The following FAT3 variants were observed in gnomAD, a reference collection of about 807,000 sequenced individuals.
FAT3 encodes the protein protocadherin Fat 3.
Under a neutral mutation model 310.2 loss-of-function variants are expected in FAT3, and 95 were observed. That is an observed-to-expected ratio of 0.31 (90% CI 0.26 to 0.36). The LOEUF (loss-of-function observed/expected upper bound fraction) is 0.36, where lower values mean the gene tolerates loss of function less well. Among genes scored for constraint, FAT3 ranks in the 10% least tolerant of loss-of-function variants. FAT3 has a pLI of 1.00. For synonymous variants in FAT3, 2,314 were observed against 2,192.9 expected, an observed-to-expected ratio of 1.06 and a Z score of -1.54; for missense variants, 5,408 against 5,715.6, an observed-to-expected ratio of 0.95 and a Z score of 1.74.
chr11:92,319,640 A>G (rs1313326473), intron 1 of FAT3, among the ~76,000 whole-genome samples: 1 of 152,200 alleles, frequency 6.6e-6, no homozygotes. Context: ...CTTAAGGAGA[A>G]TATAATATTG....
intron 2 of FAT3, among the ~76,000 whole-genome samples, chr11:92,387,828 G>T (rs1257460353): frequency 3.3e-5 from 5 of 152,158 alleles, no homozygotes; most frequent in Non-Finnish European, 5.9e-5. Flanking sequence ...GAGAAGCTGG[G>T]AAGCATGGAT....
chr11:92,709,086 G>A (rs979247665), intron 4 of FAT3, among the ~76,000 whole-genome samples: 2 of 152,166 alleles, frequency 1.3e-5, no homozygotes, highest in African/African-American at 2.4e-5. Flanking sequence ...TTAGTCTTAC[G>A]ACTAGGATGG....
chr11:92,600,325 C>T (rs899296770), intron 3 of FAT3, among the ~76,000 whole-genome samples: 1 of 152,160 alleles, frequency 6.6e-6, no homozygotes, highest in African/African-American at 2.4e-5. Context: ...TCTAATTACT[C>T]CTGATTTACA....
At chr11:92,398,680 A>G (rs1464626270) in intron 2 of FAT3, among the ~76,000 whole-genome samples, 1 of 152,016 alleles carries the variant, frequency 6.6e-6, no homozygotes, top group Non-Finnish European at 1.5e-5. Flanking sequence ...TAGGGCTCCA[A>G]CCTATTGTGT....
chr11:92,513,317 A>G (rs1156651905), intron 2 of FAT3, among the ~76,000 whole-genome samples: 4 of 152,162 alleles, frequency 2.6e-5, no homozygotes, highest in African/African-American at 9.6e-5. Flanking sequence ...GTTACCACAC[A>G]CTGTGCTGAA....
At chr11:92,620,175 C>T (rs1445846158) in intron 3 of FAT3, among the ~76,000 whole-genome samples, 1 of 151,986 alleles carries the variant, frequency 6.6e-6, no homozygotes, top group African/African-American at 2.4e-5. Context: ...TGTACTTTTG[C>T]TATTAATTTC....
At chr11:92,299,579 C>T (rs1946939146) in intron 1 of FAT3, among the ~76,000 whole-genome samples, 1 of 151,986 alleles carries the variant, frequency 6.6e-6, no homozygotes, top group Admixed American at 6.6e-5. Flanking sequence ...CGATGTCGAG[C>T]AAGGTAACAA....
At position 92,890,872 on chromosome 11, in the gene FAT3, C is replaced by G. The variant is rs1292062492; in HGVS notation, c.13529C>G (p.Ala4510Gly). The G allele has an allele frequency of 6.2e-7, 1 of 1,613,892 alleles. No homozygotes were observed. Among genetic ancestry groups the G allele is most frequent in the Middle Eastern group, 1.6e-4 (1 of 6,062 alleles). The change falls in exon 28 of 28, where the codon GCC (alanine) becomes GGC (glycine). Residue 4510 changes from alanine (A) to glycine (G), a missense_variant. This residue lies in a region of FAT3 where 649 missense variants were observed against 666.2 expected (regional missense o/e 0.97). Coordinates refer to ENST00000525166, the MANE Select transcript of FAT3 (RefSeq NM_001367949.2). ...GAAACGGATTTGGTGGGCCCGCCTGCCAGCTGTGAATTTAGTACTTTTGCT... is the reference window on the plus strand; with the variant it reads ...GAAACGGATTTGGTGGGCCCGCCTGGCAGCTGTGAATTTAGTACTTTTGCT... ...PNETDLVGPP[A>G]SCEFSTFAVS...
intron 22 of FAT3, among the ~76,000 whole-genome samples, chr11:92,873,008 TA>T (rs1949428805): frequency 6.6e-6 from 1 of 152,058 alleles, no homozygotes; most frequent in African/African-American, 2.4e-5. Flanking sequence ...AACATCAGAA[TA>T]AAAAAACTCC....
At position 92,370,435 on chromosome 11, in the gene FAT3, G is replaced by A. The variant is rs140977531; in HGVS notation, c.3292+15031G>A. Among the ~76,000 whole-genome samples, 937 of 152,244 alleles carry A rather than the reference G, an allele frequency of 6.2e-3. 7 individuals carry two copies. The highest frequency in any genetic ancestry group is 9.7e-3 in the Non-Finnish European group (658 of 67,998). On this transcript the variant is annotated intron_variant, in intron 2 of 27. Transcript: ENST00000525166. ...AAAGTAAGGTTAGTCTCCTTCATGC[G>A]TGTTGGTCCTCTGTCCTCATACGTA... is the stretch of plus-strand genomic sequence containing the variant.
At chr11:92,582,647 G>T (rs1938874747) in intron 3 of FAT3, among the ~76,000 whole-genome samples, 1 of 151,936 alleles carries the variant, frequency 6.6e-6, no homozygotes, top group African/African-American at 2.4e-5. Flanking sequence ...GTCTGCAGAG[G>T]CATATGCTCT....
At chr11:92,322,037 T>A (rs934730183) in intron 1 of FAT3, among the ~76,000 whole-genome samples, 1 of 152,050 alleles carries the variant, frequency 6.6e-6, no homozygotes, top group South Asian at 2.1e-4. Context: ...TTGCTGAAAA[T>A]CAGACTCTGG....
intron 4 of FAT3, among the ~76,000 whole-genome samples, chr11:92,698,181 C>A (rs1349402403): frequency 6.6e-6 from 1 of 152,118 alleles, no homozygotes; most frequent in African/African-American, 2.4e-5. Flanking sequence ...TATAATGTGT[C>A]TACGCTTCTA....
chr11:92,634,284 C>T (rs954178859), intron 3 of FAT3, among the ~76,000 whole-genome samples: 8 of 152,162 alleles, frequency 5.3e-5, no homozygotes, highest in African/African-American at 1.7e-4. Context: ...CTTTTGGGAA[C>T]CCAAATCCCC....
At chr11:92,627,157 G>A (rs942094502) in intron 3 of FAT3, among the ~76,000 whole-genome samples, 2 of 152,156 alleles carry the variant, frequency 1.3e-5, no homozygotes, top group African/African-American at 4.8e-5. Context: ...TGATATGTGT[G>A]TAACTCATGT....
At chr11:92,473,482 T>C (rs146869429) in intron 2 of FAT3, among the ~76,000 whole-genome samples, 1 of 152,336 alleles carries the variant, frequency 6.6e-6, no homozygotes, top group East Asian at 1.9e-4. Context: ...TTATCATCAT[T>C]GAGAGTATTT....
intron 23 of FAT3, 124 bp downstream of exon 23, chr11:92,881,008 C>A: frequency 1.9e-6 from 2 of 1,059,720 alleles, no homozygotes; most frequent in Non-Finnish European, 2.8e-6. Flanking sequence ...AACATCTGCA[C>A]GATACGTATA....
chr11:92,863,011 G>C (rs1465438307), intron 21 of FAT3, among the ~76,000 whole-genome samples: 1 of 152,114 alleles, frequency 6.6e-6, no homozygotes, highest in African/African-American at 2.4e-5. Context: ...GAAATTCAGA[G>C]GGCTGGGATG....
intron 3 of FAT3, among the ~76,000 whole-genome samples, chr11:92,586,223 G>A (rs1190814139): frequency 6.6e-6 from 1 of 151,996 alleles, no homozygotes; most frequent in Non-Finnish European, 1.5e-5. Context: ...ACAATGGTGT[G>A]TGCATATCTG....
Sources: gnomAD v4.1 joint callset for allele counts (sites outside exome capture counted in the v4.1 genomes callset) on GRCh38, gnomAD v4.1.1 for gene constraint, gnomAD v4.1.1 regional missense constraint, MANE v1.5 for transcripts, NCBI Gene and HGNC (gene_info 2026-07-23, HGNC 2026-07-21) for gene names.